Variants in PKNOX2 observed in about 807,000 individuals in gnomAD.
PKNOX2 encodes homeobox protein PKNOX2.
A neutral mutation model predicts 53.1 loss-of-function variants in PKNOX2; 14 were observed. The observed-to-expected ratio is 0.26, with a 90% CI of 0.17 to 0.41. The LOEUF (loss-of-function observed/expected upper bound fraction) is 0.41. PKNOX2 is among the 10% of genes least tolerant of loss of function. The pLI is 1.00. For synonymous variants in PKNOX2, 257 were observed against 242.8 expected (o/e 1.06, Z -0.54); for missense variants, 496 against 602.8 (o/e 0.82, Z 1.85).
intron 1 of PKNOX2, 53 bp downstream of exon 1, chr11:125,164,829 GGC>G: frequency 5.6e-6 from 1 of 178,714 alleles, no homozygotes. Flanking sequence ...CGGCGGCGGC[GGC>G]GCGGCGGCGG....
intron 2 of PKNOX2, among the ~76,000 whole-genome samples, chr11:125,254,406 C>T (rs1944250881): frequency 6.6e-6 from 1 of 152,220 alleles, no homozygotes; most frequent in Non-Finnish European, 1.5e-5. Context: ...GTGGGATCTG[C>T]CTGAGGGCAG....
At chr11:125,406,440 A>G (rs1591559990) in intron 7 of PKNOX2, among the ~76,000 whole-genome samples, 2 of 152,206 alleles carry the variant, frequency 1.3e-5, no homozygotes, top group South Asian at 4.1e-4. Flanking sequence ...AACCCCTTCC[A>G]TTGCTACGTA....
intron 2 of PKNOX2, among the ~76,000 whole-genome samples, chr11:125,282,560 C>T (rs777407903): frequency 6.6e-6 from 1 of 152,176 alleles, no homozygotes. Context: ...GAACACGTTC[C>T]CAGGTGATGC....
At chr11:125,295,686 C>G (rs1055723850) in intron 2 of PKNOX2, among the ~76,000 whole-genome samples, 1 of 152,194 alleles carries the variant, frequency 6.6e-6, no homozygotes, top group African/African-American at 2.4e-5. Context: ...AGGCCTGAGA[C>G]AGGGTCACTG....
At chr11:125,253,498 G>A (rs1944165158) in intron 2 of PKNOX2, among the ~76,000 whole-genome samples, 1 of 152,128 alleles carries the variant, frequency 6.6e-6, no homozygotes, top group South Asian at 2.1e-4. Flanking sequence ...ATGTGCACGT[G>A]TCCTTCAGGG....
At chr11:125,371,663 T>C (rs1385190255) in intron 5 of PKNOX2, among the ~76,000 whole-genome samples, 1 of 151,920 alleles carries the variant, frequency 6.6e-6, no homozygotes, top group Non-Finnish European at 1.5e-5. Flanking sequence ...GGGAGGAGGT[T>C]GGCTTTGCGA....
At chr11:125,400,328 T>C (rs1954668540) in intron 7 of PKNOX2, among the ~76,000 whole-genome samples, 1 of 152,218 alleles carries the variant, frequency 6.6e-6, no homozygotes, top group African/African-American at 2.4e-5. Context: ...ACATAGGCTA[T>C]GACAGGAGCT....
chr11:125,327,268 C>T (rs1029045972), intron 2 of PKNOX2, among the ~76,000 whole-genome samples: 10 of 152,202 alleles, frequency 6.6e-5, no homozygotes, highest in African/African-American at 1.9e-4. Flanking sequence ...CAGCCCATGT[C>T]CATAGACGGG....
intron 2 of PKNOX2, among the ~76,000 whole-genome samples, chr11:125,251,418 T>C (rs1224340824): frequency 6.6e-6 from 1 of 152,188 alleles, no homozygotes; most frequent in Admixed American, 6.5e-5. Context: ...CAGCTCCAGC[T>C]CTGTGGGGCT....
chr11:125,349,373 C>A (rs1356189569), intron 3 of PKNOX2, among the ~76,000 whole-genome samples: 1 of 152,098 alleles, frequency 6.6e-6, no homozygotes, highest in South Asian at 2.1e-4. Context: ...CCAAAGCCCC[C>A]TCCTGCGTCC....
At chr11:125,426,922 G>C (rs943484531) in intron 10 of PKNOX2, among the ~76,000 whole-genome samples, 1 of 152,232 alleles carries the variant, frequency 6.6e-6, no homozygotes, top group East Asian at 1.9e-4. Context: ...ATCTGTGGCA[G>C]GCCCTCACAG....
chr11:125,243,771 C>T (rs1943349412), intron 2 of PKNOX2, among the ~76,000 whole-genome samples: 1 of 152,020 alleles, frequency 6.6e-6, no homozygotes, highest in Non-Finnish European at 1.5e-5. Flanking sequence ...TACAGGTGCC[C>T]GCCACCATGC....
At chr11:125,188,009 A>G (rs554097690) in intron 1 of PKNOX2, 1 of 152,330 alleles carries the variant, frequency 6.6e-6, no homozygotes, top group East Asian at 1.9e-4. Flanking sequence ...TGAAACCCAA[A>G]CATTTGTTAA....
chr11:125,235,125 TTTGA>T lies in PKNOX2; in HGVS notation c.-130+14_-130+17del, dbSNP rs1383042054. 2 of 152,806 alleles carry T rather than the reference TTTGA, an allele frequency of 1.3e-5. No homozygotes were observed. Among genetic ancestry groups the T allele is most frequent in the East Asian group, 1.9e-4 (1 of 5,186 alleles). 9.5% of individuals were successfully genotyped at this position (152,806 alleles called of 1,614,324 possible). ...AAAGGGGCTGTGAACTGTAAGTAAC[TTTGA>T]TTGGCGTTTTCCATGCTGACTCAAT... On this transcript the variant is annotated intron_variant, in intron 2 of 12. Transcript: ENST00000298282.
rs191489693 is a variant in PKNOX2, at chr11:125,329,979, C to A, written c.-129-1840C>A. Among the ~76,000 whole-genome samples the A allele has an allele frequency of 3.7e-3, 565 of 152,262 alleles. 1 individual carries two copies. The highest frequency in any genetic ancestry group is 0.023 in the South Asian group (109 of 4,824). On this transcript the variant is annotated intron_variant, in intron 2 of 12. Coordinates refer to ENST00000298282, the MANE Select transcript of PKNOX2 (RefSeq NM_001382323.2). ...GCCCATCACAGGTGTGAGGCACTCA[C>A]GGCTGTGTCGGCAGTGCCTGGCATG... is the stretch of plus-strand genomic sequence containing the variant.
intron 1 of PKNOX2, among the ~76,000 whole-genome samples, chr11:125,216,609 C>T (rs763055779): frequency 2.0e-5 from 3 of 152,164 alleles, no homozygotes; most frequent in Admixed American, 1.3e-4. Context: ...GTGCTCTGGT[C>T]GTCTGTGAAA....
chr11:125,336,497 C>T (rs1468990678), intron 3 of PKNOX2, among the ~76,000 whole-genome samples: 1 of 149,260 alleles, frequency 6.7e-6, no homozygotes, highest in Non-Finnish European at 1.5e-5. Context: ...TACTATATAA[C>T]ATATATACAC....
At chr11:125,249,040 AC>A (rs1439138998) in intron 2 of PKNOX2, among the ~76,000 whole-genome samples, 1 of 108,248 alleles carries the variant, frequency 9.2e-6, no homozygotes, top group Non-Finnish European at 2.0e-5. Context: ...AGTATATATA[AC>A]CTATATATTA....
At chr11:125,208,034 T>C (rs956588311) in intron 1 of PKNOX2, among the ~76,000 whole-genome samples, 1 of 152,160 alleles carries the variant, frequency 6.6e-6, no homozygotes, top group Admixed American at 6.5e-5. Flanking sequence ...GTAGCTGTAA[T>C]GCAAAGATGA....
Sources: allele counts gnomAD v4.1 joint callset (sites outside exome capture counted in the v4.1 genomes callset), GRCh38; gene constraint gnomAD v4.1.1; transcripts MANE v1.5; gene names NCBI Gene and HGNC (gene_info 2026-07-23, HGNC 2026-07-21).